Variants in RBSN observed in about 807,000 individuals in gnomAD.
RBSN encodes rabenosyn-5.
RBSN carries 34 observed loss-of-function variants against 60.5 expected under a neutral mutation model. That is an observed-to-expected ratio of 0.56 (90% CI 0.43 to 0.75). RBSN has a LOEUF of 0.75. Among genes scored for constraint, RBSN ranks in the 30% least tolerant of loss-of-function variants. The pLI, the probability that RBSN is intolerant of heterozygous loss-of-function variation, is 0.00. For synonymous variants in RBSN, 322 were observed against 366.9 expected (o/e 0.88, Z 1.40); for missense variants, 845 against 986.8 (o/e 0.86, Z 1.92).
At chr3:15,093,234 G>C (rs1206580405) in intron 4 of RBSN, among the ~76,000 whole-genome samples, 1 of 151,980 alleles carries the variant, frequency 6.6e-6, no homozygotes, top group Non-Finnish European at 1.5e-5. Context: ...CTTTCTAAAG[G>C]GCTTTTCAAA....
intron 6 of RBSN, 65 bp from the exon 7 acceptor site, chr3:15,085,110 C>T: frequency 6.4e-7 from 1 of 1,562,984 alleles, no homozygotes; most frequent in East Asian, 2.3e-5. Context: ...CCACACTTTC[C>T]AATACATCAA....
chr3:15,093,176 T>C (rs62240411), intron 4 of RBSN, among the ~76,000 whole-genome samples: 297 of 152,320 alleles, frequency 1.9e-3, no homozygotes, highest in Middle Eastern at 3.4e-3. Context: ...AAACTAACCA[T>C]GTCATAACAT....
At chr3:15,080,423 G>A (rs2043174794) in intron 10 of RBSN, among the ~76,000 whole-genome samples, 1 of 152,108 alleles carries the variant, frequency 6.6e-6, no homozygotes, top group Admixed American at 6.5e-5. Flanking sequence ...CTGTCCAGAT[G>A]CTGCACTCAG....
At chr3:15,091,284 C>A (rs1377800011) in intron 4 of RBSN, 2 of 899,380 alleles carry the variant, frequency 2.2e-6, no homozygotes, top group Admixed American at 6.7e-5. Flanking sequence ...AAAACAAGTT[C>A]TATAGTACTA....
At position 15,073,792 on chromosome 3, in the gene RBSN, C is replaced by A; in HGVS notation, c.2345G>T (p.Gly782Val). 1.2e-6 allele frequency: 2 copies of A among 1,600,570 alleles called. No individual in the cohort carries two copies. Among genetic ancestry groups the A allele is most frequent in the Non-Finnish European group, 1.7e-6 (2 of 1,174,172 alleles). The stretch of plus-strand genomic sequence containing the variant: ...CCTCTCCACTGCTGGTCAGTCAGTG[C>A]CCCCCTTCTGCTTGGCCAGGGTGTG... ...LKHTLAKQKG[G>V]TD The change falls in exon 14 of 14, where the codon GGC (glycine) becomes GTC (valine). Residue 782 changes from glycine to valine, a missense_variant. Gly to Val is a moderately radical substitution (Grantham distance 109, BLOSUM62 -3). Coordinates refer to ENST00000253699, the MANE Select transcript of RBSN (RefSeq NM_022340.4).
In RBSN at chr3:15,073,480, C is replaced by T. The variant is rs767948182; in HGVS notation, c.*302G>A. 2.4e-4 allele frequency: 81 copies of T among 333,830 alleles called. No homozygotes were observed. Among genetic ancestry groups the T allele is most frequent in the Non-Finnish European group, 3.6e-4 (66 of 181,128 alleles). The allele number at this position is 333,830 out of a possible 1,614,324, so 20.7% of individuals were successfully genotyped here. A position where few individuals can be genotyped will look rare whatever the true frequency, so the allele number is the denominator to read the frequency against. On this transcript the variant is annotated 3_prime_UTR_variant, in exon 14 of 14. Coordinates refer to ENST00000253699, the MANE Select transcript of RBSN (RefSeq NM_022340.4). ...AACAGAGCTGCATTTAGTTATATCT[C>T]GGTAGTAAAAATGTAAAGTCCCTTC...
At chr3:15,092,385 A>T (rs1302542489) in intron 4 of RBSN, among the ~76,000 whole-genome samples, 1 of 151,970 alleles carries the variant, frequency 6.6e-6, no homozygotes, top group African/African-American at 2.4e-5. Context: ...AAAATGCACT[A>T]AAGTGGGTTT....
chr3:15,098,293 C>T lies in RBSN; in HGVS notation c.-500-19G>A, dbSNP rs1299964130. 6.6e-6 allele frequency: 1 copy of T among 151,912 alleles called. No homozygotes were observed. Among genetic ancestry groups the T allele is most frequent in the Non-Finnish European group, 1.5e-5 (1 of 68,036 alleles). The allele number at this position is 151,912 out of a possible 1,614,324, so 9.4% of individuals were successfully genotyped here. ...ACAGTACCTGGCACACACAATGAAG[C>T]AGCACAATAAAGCTCCATGAATGAA... On this transcript the variant is annotated intron_variant, in intron 1 of 13. Coordinates refer to ENST00000253699, the MANE Select transcript of RBSN (RefSeq NM_022340.4).
intron 10 of RBSN, among the ~76,000 whole-genome samples, chr3:15,078,754 G>A (rs1191491053): frequency 5.1e-5 from 4 of 78,636 alleles, no homozygotes; most frequent in East Asian, 3.3e-4. Flanking sequence ...AGCAAAACTC[G>A]GTCTCAAAAA....
Position 15,084,040 on chromosome 3 carries a change from C to G in RBSN, c.598+695G>C, listed in dbSNP as rs1232972666. On this transcript the variant is annotated intron_variant, in intron 8 of 13. Coordinates refer to ENST00000253699, the MANE Select transcript of RBSN (RefSeq NM_022340.4). The surrounding 1 kb of genome is among the most constrained non-coding windows in gnomAD (Gnocchi z 4.2). ...AGGCCAGAAATGGGCAAAAAATGAC[C>G]TGTGAGCCAAGTCCAGCCTCCAGGC... 6.6e-6 allele frequency among the ~76,000 whole-genome samples: 1 copy of G among 152,234 alleles called. No individual in the cohort carries two copies. The highest frequency in any genetic ancestry group is 2.4e-5 in the African/African-American group (1 of 41,462).
intron 4 of RBSN, among the ~76,000 whole-genome samples, chr3:15,092,017 T>C (rs766288177): frequency 2.6e-5 from 4 of 152,164 alleles, no homozygotes; most frequent in Admixed American, 6.5e-5. Context: ...ACTTTTACTT[T>C]TTAATTATTT....
chr3:15,094,958 G>A (rs929305226), intron 4 of RBSN, among the ~76,000 whole-genome samples: 1 of 152,212 alleles, frequency 6.6e-6, no homozygotes, highest in African/African-American at 2.4e-5. Flanking sequence ...CCAGCTGTGA[G>A]AAGCAAGTTA....
intron 9 of RBSN, chr3:15,081,059 G>C (rs2043193621): frequency 2.3e-6 from 1 of 430,124 alleles, no homozygotes; most frequent in African/African-American, 2.0e-5. Context: ...TGTCACCCAA[G>C]GTGGAGTACA....
chr3:15,080,245 GAAA>G (rs534543298), intron 10 of RBSN, among the ~76,000 whole-genome samples: 1 of 119,560 alleles, frequency 8.4e-6, no homozygotes, highest in Admixed American at 8.8e-5. Context: ...CTCCGTCTCG[GAAA>G]AAAAAAAAAA....
At chr3:15,093,636 T>C (rs2043574891) in intron 4 of RBSN, among the ~76,000 whole-genome samples, 1 of 152,160 alleles carries the variant, frequency 6.6e-6, no homozygotes, top group Admixed American at 6.5e-5. Context: ...GCAATCCTCC[T>C]GCCTTGGCCT....
At chr3:15,093,424 C>CT (rs1443481099) in intron 4 of RBSN, among the ~76,000 whole-genome samples, 2 of 151,942 alleles carry the variant, frequency 1.3e-5, no homozygotes, top group Non-Finnish European at 2.9e-5. Flanking sequence ...TCTTTTCTTT[C>CT]TTTTTTTTGA....
intron 5 of RBSN, among the ~76,000 whole-genome samples, chr3:15,087,390 C>T (rs2043372878): frequency 6.6e-6 from 1 of 152,116 alleles, no homozygotes; most frequent in African/African-American, 2.4e-5. Flanking sequence ...TGGTGCACGC[C>T]TGTGGTCCCA....
chr3:15,074,463 C>G lies in RBSN; in HGVS notation c.1674G>C (p.Gln558His), dbSNP rs760165853. 4 of 1,614,234 alleles carry G rather than the reference C, an allele frequency of 2.5e-6. No homozygotes were observed. The highest frequency in any genetic ancestry group is 2.5e-6 in the Non-Finnish European group (3 of 1,180,040). ...TGCGAGGCTCTCTGCTGGGCTCCAGCTGAAAAGGGCCGATTTCTCTGAAGT... is the reference window on the plus strand; with the variant it reads ...TGCGAGGCTCTCTGCTGGGCTCCAGGTGAAAAGGGCCGATTTCTCTGAAGT... ...SLDFREIGPF[Q>H]LEPSREPRTH... Residue 558 changes from glutamine (Q) to histidine (H), a missense_variant, in exon 14 of 14, where the codon CAG becomes CAC. Physicochemically the swap from Gln to His is conservative, Grantham distance 24. Transcript: ENST00000253699. This position sits in a 1 kb window ranked among gnomAD's most constrained non-coding sequence, Gnocchi z 6.4.
chr3:15,089,768 G>A (rs1261859315), intron 5 of RBSN, among the ~76,000 whole-genome samples: 3 of 151,830 alleles, frequency 2.0e-5, no homozygotes, highest in African/African-American at 4.8e-5. Flanking sequence ...CCGCCACCAC[G>A]CCCGGCTAAT....
Sources: allele counts gnomAD v4.1 joint callset (sites outside exome capture counted in the v4.1 genomes callset), GRCh38; gene constraint gnomAD v4.1.1; non-coding constraint Gnocchi (gnomAD v3.1); transcripts MANE v1.5; gene names NCBI Gene and HGNC (gene_info 2026-07-23, HGNC 2026-07-21).